The following PRKDC variants were observed in gnomAD, a reference collection of about 807,000 sequenced individuals.
PRKDC encodes the protein protein kinase, DNA-activated, catalytic subunit.
A neutral mutation model predicts 486.9 loss-of-function variants in PRKDC; 82 were observed. The observed-to-expected ratio is 0.17, with a 90% confidence interval of 0.14 to 0.20. The LOEUF is 0.20. Among genes scored for constraint, PRKDC ranks in the 10% least tolerant of loss-of-function variants. PRKDC has a pLI of 1.00. For synonymous variants in PRKDC, 1,895 were observed against 1,837.0 expected, an observed-to-expected ratio of 1.03 and a Z score of -0.81; for missense variants, 4,504 against 5,038.2, an observed-to-expected ratio of 0.89 and a Z score of 3.21.
intron 69 of PRKDC, 29 bp downstream of exon 69, chr8:47,807,108 C>T (rs1198183733): frequency 6.3e-7 from 1 of 1,598,216 alleles, no homozygotes. Context: ...TCCTGTGACA[C>T]AGCAGGGAGG....
rs150763711 is a variant in PRKDC at position 47,780,648 on chromosome 8, T to C, written c.11489+1514A>G. ...AACTGAGATGAAAATTCTTAGGTTA[T>C]AAAACTGTAGGCCGGGCGCAGTGGC... On this transcript the variant is annotated intron_variant, in intron 80 of 85. Coordinates refer to ENST00000314191, the MANE Select transcript of PRKDC (RefSeq NM_006904.7). Among the ~76,000 whole-genome samples the C allele has an allele frequency of 1.1e-4, 16 of 152,230 alleles. No individual in the cohort carries two copies. The East Asian group carries it at 3.1e-3, about 29-fold the overall frequency.
chr8:47,902,624 C>T lies in PRKDC; in HGVS notation c.3214G>A (p.Ala1072Thr), dbSNP rs1204487667. 1 of 1,611,592 alleles carries T rather than the reference C, an allele frequency of 6.2e-7. No homozygotes were observed. ...AGTGATGCTCCCAGCCTCTTGAAAG[C>T]ATTGGGGTGAAGCGCAAGGCTATAA... Reference protein sequence around the residue: ...RLYSLALHPNAFKRLGASLAF... With the variant: ...RLYSLALHPNTFKRLGASLAF... The change falls in exon 27 of 86, where the codon GCT becomes ACT. Residue 1072 changes from alanine to threonine, a missense_variant. Ala to Thr is a moderately conservative substitution (Grantham distance 58). This residue lies in a region of PRKDC where 1,969 missense variants were observed against 2,068.9 expected (regional missense o/e 0.95). Transcript: ENST00000314191.
At chr8:47,827,063 C>T (rs989096016) in intron 62 of PRKDC, among the ~76,000 whole-genome samples, 4 of 151,516 alleles carry the variant, frequency 2.6e-5, no homozygotes, top group African/African-American at 9.7e-5. Context: ...TAATTTTACG[C>T]TTCCATTCCA....
intron 62 of PRKDC, among the ~76,000 whole-genome samples, 188 bp downstream of exon 62, chr8:47,827,980 C>T (rs557124968): frequency 2.6e-5 from 4 of 152,124 alleles, no homozygotes; most frequent in East Asian, 1.9e-4. Context: ...TGTCACATAT[C>T]GGTTTTTCTG....
At chr8:47,924,222 G>C (rs1020866675) in intron 21 of PRKDC, among the ~76,000 whole-genome samples, 1 of 151,882 alleles carries the variant, frequency 6.6e-6, no homozygotes, top group African/African-American at 2.4e-5. Flanking sequence ...ATATTTTCCC[G>C]GCCCCAGGTT....
At chr8:47,830,869 C>T (rs1261834340) in intron 60 of PRKDC, 133 bp from the exon 61 acceptor site, 2 of 1,083,798 alleles carry the variant, frequency 1.8e-6, no homozygotes, top group African/African-American at 1.6e-5. Flanking sequence ...CGCAGAGGCT[C>T]AGTCGCCGTA....
chr8:47,877,602 AAAAT>A (rs2089116156), intron 40 of PRKDC, 118 bp downstream of exon 40: 2 of 1,070,612 alleles, frequency 1.9e-6, no homozygotes, highest in Admixed American at 3.1e-5. Context: ...ACAAAAAACT[AAAAT>A]AAAGTTTAGT....
At chr8:47,832,696 C>T (rs1267833436) in intron 59 of PRKDC, among the ~76,000 whole-genome samples, 1 of 152,108 alleles carries the variant, frequency 6.6e-6, no homozygotes, top group Non-Finnish European at 1.5e-5. Flanking sequence ...AGCACTAGGA[C>T]TCCAAAAAGA....
chr8:47,927,722 G>A (rs1205342484), intron 20 of PRKDC, 49 bp downstream of exon 20: 1 of 1,448,950 alleles, frequency 6.9e-7, no homozygotes, highest in African/African-American at 1.4e-5. Flanking sequence ...ATGTGCTCTG[G>A]GACTCACAAC....
chr8:47,863,125 TC>T (rs1214140692), intron 42 of PRKDC, among the ~76,000 whole-genome samples: 2 of 152,092 alleles, frequency 1.3e-5, no homozygotes, highest in African/African-American at 2.4e-5. Flanking sequence ...TAAAAATATA[TC>T]AAGCTATTCA....
Position 47,854,126 on chromosome 8 carries a change from C to T in PRKDC, c.6850G>A (p.Asp2284Asn). Residue 2284 changes from aspartate to asparagine, a missense_variant, in exon 51 of 86, where the codon GAC (aspartate) becomes AAC (asparagine). Asp to Asn is a conservative substitution (Grantham distance 23). Coordinates refer to ENST00000314191, the MANE Select transcript of PRKDC (RefSeq NM_006904.7). ...IQLLGIVMAN[D>N]LPPYDPQCGI... ...CACTGTGGGTCATAGGGAGGCAGGT[C>T]ATTGGCCATCACGATGCCTAGCAAT... The T allele has an allele frequency of 6.2e-7, 1 of 1,613,966 alleles. No homozygotes were observed.
chr8:47,831,972 T>A (rs763619589), intron 59 of PRKDC, 46 bp from the exon 60 acceptor site: 2 of 1,533,254 alleles, frequency 1.3e-6, no homozygotes, highest in Non-Finnish European at 1.8e-6. Flanking sequence ...GCCCAGACAC[T>A]TGGCTCTGCT....
At chr8:47,801,060 T>A in intron 70 of PRKDC, 74 bp from the exon 71 acceptor site, 1 of 1,380,934 alleles carries the variant, frequency 7.2e-7, no homozygotes. Context: ...AAATTCATTG[T>A]CTATAGAAGT....
chr8:47,856,049 A>C (rs1024043973), intron 49 of PRKDC, among the ~76,000 whole-genome samples: 2 of 152,166 alleles, frequency 1.3e-5, no homozygotes, highest in Non-Finnish European at 2.9e-5. Flanking sequence ...AATCTCTTTC[A>C]ACGGACCCTT....
rs199932710 is a variant in PRKDC at position 47,952,701 on chromosome 8, G to GA, written c.721+918dup. On this transcript the variant is annotated intron_variant, in intron 7 of 85. Transcript: ENST00000314191. The stretch of plus-strand genomic sequence containing the variant: ...TGATACCCTGTCTCAATTATAAAAA[G>GA]AAAAAAAAAGAATTAAAAAGGGCCA... Among the ~76,000 whole-genome samples the GA allele has an allele frequency of 7.4e-3, 1,102 of 149,750 alleles. 9 individuals carry two copies. Among genetic ancestry groups the GA allele is most frequent in the Non-Finnish European group, 9.4e-3 (632 of 67,368 alleles).
At chr8:47,897,487 G>C (rs775189107) in intron 29 of PRKDC, among the ~76,000 whole-genome samples, 193 bp from the exon 30 acceptor site, 2 of 152,170 alleles carry the variant, frequency 1.3e-5, no homozygotes, top group Non-Finnish European at 2.9e-5. Context: ...GGTCCTAAAT[G>C]CTGCTCATGT....
intron 43 of PRKDC, 80 bp from the exon 44 acceptor site, chr8:47,862,207 T>A: frequency 7.1e-7 from 1 of 1,405,666 alleles, no homozygotes; most frequent in African/African-American, 1.4e-5. Flanking sequence ...ATTAATGCTA[T>A]GTAATAGCTC....
chr8:47,795,333 GCGCCTGCCACCA>G (rs1164010242), intron 73 of PRKDC, among the ~76,000 whole-genome samples: 2 of 148,748 alleles, frequency 1.3e-5, no homozygotes, highest in Admixed American at 6.7e-5. Flanking sequence ...GGGACTACAG[GCGCCTGCCACCA>G]CGCCTGGCTA....
rs760360648 is a variant in PRKDC at position 47,819,501 on chromosome 8, T to A, written c.9346A>T (p.Ser3116Cys). ...CTTTGGTGTAAGAGGACATCAATACTAGAATAATTCTTAAAAAAAAAAAAA... is the reference window on the plus strand; with the variant it reads ...CTTTGGTGTAAGAGGACATCAATACAAGAATAATTCTTAAAAAAAAAAAAA... ...GIQSFMQNYS[S>C]IDVLLHQSRL... is the part of the protein sequence containing the mutation. The change falls in exon 67 of 86, where the codon AGT (serine) becomes TGT (cysteine). Residue 3116 changes from serine to cysteine, a missense_variant. Coordinates refer to ENST00000314191, the MANE Select transcript of PRKDC (RefSeq NM_006904.7). 3 of 1,163,394 alleles carry A rather than the reference T, an allele frequency of 2.6e-6. No homozygotes were observed. The highest frequency in any genetic ancestry group is 2.9e-5 in the Admixed American group (1 of 34,756). 72.1% of individuals were successfully genotyped at this position (1,163,394 alleles called of 1,614,324 possible).
Sources: gnomAD v4.1 joint callset for allele counts (sites outside exome capture counted in the v4.1 genomes callset) on GRCh38, gnomAD v4.1.1 for gene constraint, gnomAD v4.1.1 regional missense constraint, MANE v1.5 for transcripts, NCBI Gene and HGNC (gene_info 2026-07-23, HGNC 2026-07-21) for gene names.